Variants in CLRN1 observed in about 807,000 individuals in gnomAD.
CLRN1 encodes clarin 1.
In CLRN1, 15 loss-of-function variants were observed where a neutral mutation model predicts 18.7. The observed-to-expected ratio is 0.80, with a 90% confidence interval of 0.54 to 1.23. The LOEUF is 1.23. CLRN1 is among the 50% of genes most tolerant of loss of function. CLRN1 has a pLI of 0.00. For synonymous variants in CLRN1, 104 were observed against 102.9 expected, an observed-to-expected ratio of 1.01 and a Z score of -0.07; for missense variants, 311 against 277.5, an observed-to-expected ratio of 1.12 and a Z score of -0.86.
At chr3:150,960,881 C>G (rs1182657492) in intron 1 of CLRN1, among the ~76,000 whole-genome samples, 2 of 152,256 alleles carry the variant, frequency 1.3e-5, no homozygotes, top group Non-Finnish European at 2.9e-5. Context: ...GGCCAGACAG[C>G]TGAAGGCCTC....
intron 1 of CLRN1, among the ~76,000 whole-genome samples, chr3:150,960,383 G>A (rs545606855): frequency 6.6e-6 from 1 of 152,168 alleles, no homozygotes; most frequent in Non-Finnish European, 1.5e-5. Context: ...TGGCCCATGG[G>A]TGGTCAGAGT....
upstream of CLRN1, chr3:150,972,854 C>T (rs1715624345): frequency 4.4e-6 from 5 of 1,136,272 alleles, no homozygotes; most frequent in African/African-American, 1.5e-5. Flanking sequence ...CGACGGTTCT[C>T]GCCAGGTTAA....
chr3:150,926,793 T>A lies in CLRN1; in HGVS notation c.*1143A>T. On this transcript the variant is annotated 3_prime_UTR_variant, in exon 3 of 3. Coordinates refer to ENST00000327047, the MANE Select transcript of CLRN1 (RefSeq NM_174878.3). ...TCTGTTTGCTGTCATTCTCTGCTTT[T>A]TCCTTGGTGCTTTCTGGAGGACAGC... is the stretch of plus-strand genomic sequence containing the variant. 1 of 1,614,010 alleles carries A rather than the reference T, an allele frequency of 6.2e-7. No homozygotes were observed. The highest frequency in any genetic ancestry group is 8.5e-7 in the Non-Finnish European group (1 of 1,179,998).
intron 1 of CLRN1, among the ~76,000 whole-genome samples, chr3:150,946,949 C>T (rs1714210368): frequency 6.9e-6 from 1 of 144,136 alleles, no homozygotes; most frequent in African/African-American, 2.6e-5. Context: ...TTCCTCTGTC[C>T]ATGTGATCTC....
At chr3:150,944,510 T>C (rs962274140) in intron 1 of CLRN1, among the ~76,000 whole-genome samples, 1 of 149,752 alleles carries the variant, frequency 6.7e-6, no homozygotes, top group African/African-American at 2.5e-5. Flanking sequence ...GTGGGAGAGG[T>C]TGTCAGATTT....
At chr3:150,966,415 T>C (rs1166863966) in intron 1 of CLRN1, among the ~76,000 whole-genome samples, 1 of 152,154 alleles carries the variant, frequency 6.6e-6, no homozygotes, top group Non-Finnish European at 1.5e-5. Context: ...AAAGTGGAGT[T>C]TTTCAGCAAG....
chr3:150,945,839 C>A (rs1477818032), intron 1 of CLRN1, among the ~76,000 whole-genome samples: 4 of 152,178 alleles, frequency 2.6e-5, no homozygotes, highest in African/African-American at 7.2e-5. Flanking sequence ...ATTGTTATAA[C>A]CTCCTTTGAG....
In CLRN1 at chr3:150,972,568, G is replaced by C. The variant is rs2107997038; in HGVS notation, c.141C>G (p.Val47=). 1 of 1,614,216 alleles carries C rather than the reference G, an allele frequency of 6.2e-7. No individual in the cohort carries two copies. The highest frequency in any genetic ancestry group is 2.2e-5 in the East Asian group (1 of 44,892). Residue 47 remains valine, a synonymous_variant, in exon 1 of 3, where the codon GTC becomes GTG. Coordinates refer to ENST00000327047, the MANE Select transcript of CLRN1 (RefSeq NM_174878.3). ...TVLCKTGALL[V]NASGQELDKF... ...TGTCCAGCTCCTGCCCTGAGGCATT[G>C]ACGAGCAGAGCTCCCGTTTTGCAGA...
chr3:150,938,898 G>A (rs1713642123), intron 2 of CLRN1, among the ~76,000 whole-genome samples: 1 of 152,202 alleles, frequency 6.6e-6, no homozygotes, highest in African/African-American at 2.4e-5. Context: ...GCAGAGATAG[G>A]ATCTGGGATT....
intron 1 of CLRN1, among the ~76,000 whole-genome samples, chr3:150,956,457 TG>T (rs1714739006): frequency 2.0e-5 from 3 of 152,232 alleles, no homozygotes; most frequent in East Asian, 3.9e-4. Context: ...AACTAGTCAC[TG>T]GGTTCTCTAT....
At chr3:150,969,313 ATTTTTTTTTTTT>A (rs1196979915) in intron 1 of CLRN1, among the ~76,000 whole-genome samples, 2 of 43,544 alleles carry the variant, frequency 4.6e-5, no homozygotes, top group Admixed American at 4.1e-4. Context: ...ATATATATAT[ATTTTTTTTTTTT>A]TTTTTTTTTT....
intron 1 of CLRN1, among the ~76,000 whole-genome samples, chr3:150,957,405 T>C (rs1487151900): frequency 6.6e-6 from 1 of 152,136 alleles, no homozygotes; most frequent in Non-Finnish European, 1.5e-5. Flanking sequence ...GGGACCTCCC[T>C]TCCCCACCAC....
chr3:150,936,640 G>C (rs575614995), intron 2 of CLRN1, among the ~76,000 whole-genome samples: 1 of 152,226 alleles, frequency 6.6e-6, no homozygotes, highest in South Asian at 2.1e-4. Flanking sequence ...ATTTCTTAGA[G>C]AGGTAAATCA....
intron 1 of CLRN1, among the ~76,000 whole-genome samples, chr3:150,967,679 G>A (rs972400807): frequency 2.6e-5 from 4 of 152,110 alleles, no homozygotes; most frequent in South Asian, 2.1e-4. Flanking sequence ...CTCTGCCATC[G>A]GCAGGGTGAT....
Position 150,972,696 on chromosome 3 carries a change from GTTGGC to G in CLRN1, c.8_12del (p.Ser3ThrfsTer56). On this transcript the variant is annotated frameshift_variant, in exon 1 of 3. Coordinates refer to ENST00000327047, the MANE Select transcript of CLRN1 (RefSeq NM_174878.3). LOFTEE classifies it high-confidence loss of function. ...GCCATGCAAAAAATGATTTTCTTCT[GTTGGC>G]TTGGCATGATGAGAAACGGCTTCTG... 1 of 1,614,216 alleles carries G rather than the reference GTTGGC, an allele frequency of 6.2e-7. No homozygotes were observed. The highest frequency in any genetic ancestry group is 1.1e-5 in the South Asian group (1 of 91,086).
At chr3:150,954,043 CTG>C (rs1437695736) in intron 1 of CLRN1, among the ~76,000 whole-genome samples, 2 of 152,094 alleles carry the variant, frequency 1.3e-5, no homozygotes, top group Non-Finnish European at 2.9e-5. Flanking sequence ...GTGTACAGTT[CTG>C]TGAGTTTTGA....
In CLRN1 at chr3:150,947,277, A is replaced by G. The variant is rs139172286; in HGVS notation, c.254-5516T>C. On this transcript the variant is annotated intron_variant, in intron 1 of 2. Coordinates refer to ENST00000327047, the MANE Select transcript of CLRN1 (RefSeq NM_174878.3). Reference sequence around the variant, plus strand: ...GCAATCCTAATTTCAGACAAAGAAGACTTCAAACCAACAAAGAAAAAAAAA... The same window carrying G: ...GCAATCCTAATTTCAGACAAAGAAGGCTTCAAACCAACAAAGAAAAAAAAA... Among the ~76,000 whole-genome samples the G allele has an allele frequency of 2.0e-5, 3 of 151,686 alleles. No homozygotes were observed. In the East Asian group the frequency reaches 5.8e-4, roughly 29 times the overall value.
chr3:150,936,465 C>A (rs1044141476), intron 2 of CLRN1, among the ~76,000 whole-genome samples: 5 of 152,142 alleles, frequency 3.3e-5, no homozygotes, highest in South Asian at 4.1e-4. Flanking sequence ...CCCTTTCTTG[C>A]CCTAAACTGC....
intron 1 of CLRN1, among the ~76,000 whole-genome samples, chr3:150,967,527 T>A (rs1347830744): frequency 6.6e-6 from 1 of 152,128 alleles, no homozygotes; most frequent in African/African-American, 2.4e-5. Flanking sequence ...GCATATAGCT[T>A]CTTCCTCTCC....
Sources: gnomAD v4.1 joint callset for allele counts (sites outside exome capture counted in the v4.1 genomes callset) on GRCh38, gnomAD v4.1.1 for gene constraint, MANE v1.5 for transcripts, NCBI Gene and HGNC (gene_info 2026-07-23, HGNC 2026-07-21) for gene names.